Variants in ZBED3 observed in about 807,000 individuals in gnomAD.
The protein encoded by ZBED3 is zinc finger BED-type containing 3.
For missense variants in ZBED3, 388 were observed against 362.9 expected (o/e 1.07, Z -0.56); for synonymous variants, 175 against 180.0 (o/e 0.97, Z 0.22).
intron 1 of ZBED3, among the ~76,000 whole-genome samples, chr5:77,082,908 G>C (rs2150742470): frequency 6.6e-6 from 1 of 152,294 alleles, no homozygotes; most frequent in South Asian, 2.1e-4. Flanking sequence ...GGCCAAGGCA[G>C]GTAGATCACC....
intron 1 of ZBED3, among the ~76,000 whole-genome samples, chr5:77,085,681 A>G (rs2150743454): frequency 6.6e-6 from 1 of 152,374 alleles, no homozygotes; most frequent in East Asian, 1.9e-4. Context: ...TGACAACTGA[A>G]GTGTCAAGAA....
chr5:77,077,680 C>A lies in ZBED3; in HGVS notation c.199G>T (p.Ala67Ser). ...GRPGHPSGHW[A>S]TCRLCGEQVG... is the part of the protein sequence containing the mutation. ...TGCTCCCCGCACAGACGGCAGGTGG[C>A]CCAGTGGCCCGACGGATGCCCGGGG... Residue 67 changes from alanine (A) to serine (S), a missense_variant, in exon 3 of 3, where the codon GCC (alanine) becomes TCC (serine). Physicochemically the swap from Ala to Ser is moderately conservative, Grantham distance 99. Coordinates refer to ENST00000255198, the MANE Select transcript of ZBED3 (RefSeq NM_032367.4). The A allele has an allele frequency of 7.3e-7, 1 of 1,370,604 alleles. No homozygotes were observed. Among genetic ancestry groups the A allele is most frequent in the South Asian group, 1.7e-5 (1 of 59,682 alleles). 84.9% of individuals were successfully genotyped at this position (1,370,604 alleles called of 1,614,324 possible).
chr5:77,075,961 A>ATG lies in ZBED3; in HGVS notation c.*1212_*1213insCA, dbSNP rs1168469530. On this transcript the variant is annotated 3_prime_UTR_variant, in exon 3 of 3. Coordinates refer to ENST00000255198, the MANE Select transcript of ZBED3 (RefSeq NM_032367.4). ...TATATATACATATATATATATATATATATATGTATATGTATATATGTATAT... is the reference window on the plus strand; with the variant it reads ...TATATATACATATATATATATATATATGTATATGTATATGTATATATGTATAT... 1 of 29,832 alleles carries ATG rather than the reference A, an allele frequency of 3.4e-5. No individual in the cohort carries two copies. Among genetic ancestry groups the ATG allele is most frequent in the Non-Finnish European group, 7.1e-5 (1 of 13,990 alleles). The allele number at this position is 29,832 out of a possible 1,614,324, so 1.8% of individuals were successfully genotyped here.
At chr5:77,084,435 T>C (rs1743195321) in intron 1 of ZBED3, among the ~76,000 whole-genome samples, 1 of 152,222 alleles carries the variant, frequency 6.6e-6, no homozygotes, top group Non-Finnish European at 1.5e-5. Context: ...TTATAGCTCA[T>C]GCCGCAGCCA....
In ZBED3 at chr5:77,077,931, G is replaced by A. The variant is rs560960336; in HGVS notation, c.-17-36C>T. The A allele has an allele frequency of 2.2e-3, 2,673 of 1,223,628 alleles. 4 individuals carry two copies. Among genetic ancestry groups the A allele is most frequent in the Non-Finnish European group, 2.6e-3 (2,528 of 978,470 alleles). The allele number at this position is 1,223,628 out of a possible 1,614,324, so 75.8% of individuals were successfully genotyped here. A position where few individuals can be genotyped will look rare whatever the true frequency, so the allele number is the denominator to read the frequency against. On this transcript the variant is annotated intron_variant, in intron 2 of 2. Transcript: ENST00000255198. Reference sequence around the variant, plus strand: ...GGGGAAGAATAATAATGAGTGTTAGGATCACGCACACAGCTCCTAGACTAC... The same window carrying A: ...GGGGAAGAATAATAATGAGTGTTAGAATCACGCACACAGCTCCTAGACTAC...
chr5:77,077,533 G>A lies in ZBED3; in HGVS notation c.346C>T (p.Pro116Ser). ...AGSSPPAAPC[P>S]PPPGPAAAPE... ...GCCGCAGCGGGGCCGGGCGGCGGCG[G>A]GCAGGGCGCGGCAGGTGGGGAGCTC... The change falls in exon 3 of 3, where the codon CCG becomes TCG. Residue 116 changes from proline (P) to serine (S), a missense_variant. By Grantham distance (74) the Pro-to-Ser change is moderately conservative. Transcript: ENST00000255198. 1 of 1,214,662 alleles carries A rather than the reference G, an allele frequency of 8.2e-7. No individual in the cohort carries two copies. Among genetic ancestry groups the A allele is most frequent in the Non-Finnish European group, 1.0e-6 (1 of 979,992 alleles). The allele number at this position is 1,214,662 out of a possible 1,614,324, so 75.2% of individuals were successfully genotyped here.
chr5:77,076,115 AC>A lies in ZBED3; in HGVS notation c.*1058del, dbSNP rs1331620625. The A allele has an allele frequency of 1.3e-5, 2 of 148,958 alleles. No individual in the cohort carries two copies. Among genetic ancestry groups the A allele is most frequent in the African/African-American group, 2.5e-5 (1 of 40,340 alleles). 9.2% of individuals were successfully genotyped at this position (148,958 alleles called of 1,614,324 possible). A position where few individuals can be genotyped will look rare whatever the true frequency, so the allele number is the denominator to read the frequency against. On this transcript the variant is annotated 3_prime_UTR_variant, in exon 3 of 3. Transcript: ENST00000255198. ...ACTGACCCAGAGTGAGGGAGTAAAA[AC>A]TGGGGAGGAAGGATAGGCAGCCAGG...
Position 77,077,628 on chromosome 5 carries a change from G to T in ZBED3, c.251C>A (p.Ala84Glu). 1.4e-6 allele frequency: 2 copies of T among 1,411,564 alleles called. No individual in the cohort carries two copies. Among genetic ancestry groups the T allele is most frequent in the Non-Finnish European group, 1.8e-6 (2 of 1,082,310 alleles). 87.4% of individuals were successfully genotyped at this position (1,411,564 alleles called of 1,614,324 possible). Residue 84 changes from alanine to glutamate, a missense_variant, in exon 3 of 3, where the codon GCG becomes GAG. Transcript: ENST00000255198. ...GTGCCTCCACAACGCCGAGGTCCCC[G>T]CGTGGAAGCCCGGGCCGCGGCCCAC... ...EQVGRGPGFH[A>E]GTSALWRHLR...
At chr5:77,084,310 T>A (rs190267215) in intron 1 of ZBED3, among the ~76,000 whole-genome samples, 1 of 152,300 alleles carries the variant, frequency 6.6e-6, no homozygotes, top group African/African-American at 2.4e-5. Context: ...ATGGAACTGG[T>A]GAGAGATAAT....
rs1742928783 is a variant in ZBED3, at chr5:77,073,954, GAAGT to G, written c.*3216_*3219del. The G allele has an allele frequency of 6.6e-6, 1 of 152,268 alleles. No individual in the cohort carries two copies. The highest frequency in any genetic ancestry group is 2.4e-5 in the African/African-American group (1 of 41,454). The allele number at this position is 152,268 out of a possible 1,614,324, so 9.4% of individuals were successfully genotyped here. A position where few individuals can be genotyped will look rare whatever the true frequency, so the allele number is the denominator to read the frequency against. ...AGGCACAAAATGCTAGGAGACTAGA[GAAGT>G]AAGAAATGTCTTGACATGAGGAGAA... On this transcript the variant is annotated 3_prime_UTR_variant, in exon 3 of 3. Transcript: ENST00000255198.
At chr5:77,082,565 GAA>G (rs1743150466) in intron 1 of ZBED3, among the ~76,000 whole-genome samples, 1 of 152,286 alleles carries the variant, frequency 6.6e-6, no homozygotes, top group African/African-American at 2.4e-5. Flanking sequence ...TGTTCAGGGA[GAA>G]AAGAGAGATG....
At chr5:77,085,102 G>A (rs1743211417) in intron 1 of ZBED3, among the ~76,000 whole-genome samples, 2 of 152,164 alleles carry the variant, frequency 1.3e-5, no homozygotes, top group Admixed American at 1.3e-4. Context: ...TAAGCCTGTG[G>A]AAGACAATAA....
chr5:77,077,659 C>A lies in ZBED3; in HGVS notation c.220G>T (p.Glu74Ter). 7.1e-7 allele frequency: 1 copy of A among 1,406,730 alleles called. No homozygotes were observed. The highest frequency in any genetic ancestry group is 9.2e-7 in the Non-Finnish European group (1 of 1,081,788). 87.1% of individuals were successfully genotyped at this position (1,406,730 alleles called of 1,614,324 possible). Reference protein sequence around the residue: ...GHWATCRLCGEQVGRGPGFHA... With the variant: ...GHWATCRLCG ...AAGCCCGGGCCGCGGCCCACCTGCT[C>A]CCCGCACAGACGGCAGGTGGCCCAG... is the stretch of plus-strand genomic sequence containing the variant. The change falls in exon 3 of 3, where the codon GAG (glutamate) becomes TAG (stop). Residue 74 changes from glutamate (E) to a stop codon, truncating the protein, a stop_gained. Coordinates refer to ENST00000255198, the MANE Select transcript of ZBED3 (RefSeq NM_032367.4). LOFTEE classifies it low-confidence loss of function (END_TRUNC).
At position 77,077,873 on chromosome 5, in the gene ZBED3, C is replaced by G; in HGVS notation, c.6G>C (p.Arg2Ser). The part of the protein sequence containing the change: M[R>S]SGEPACTMDQ... ...CCATGGTGCAGGCCGGCTCGCCACT[C>G]CTCATTCTGCGGCGCCCGCACGCTG... The change falls in exon 3 of 3, where the codon AGG becomes AGC. Residue 2 changes from arginine (R) to serine (S), a missense_variant. Physicochemically the swap from Arg to Ser is moderately radical, Grantham distance 110. Coordinates refer to ENST00000255198, the MANE Select transcript of ZBED3 (RefSeq NM_032367.4). The G allele has an allele frequency of 8.0e-7, 1 of 1,257,202 alleles. No homozygotes were observed. The highest frequency in any genetic ancestry group is 1.0e-6 in the Non-Finnish European group (1 of 1,003,682). 77.9% of individuals were successfully genotyped at this position (1,257,202 alleles called of 1,614,324 possible). A position where few individuals can be genotyped will look rare whatever the true frequency, so the allele number is the denominator to read the frequency against.
intron 1 of ZBED3, chr5:77,080,691 A>G (rs1283082438): frequency 2.1e-6 from 1 of 477,576 alleles, no homozygotes; most frequent in Non-Finnish European, 4.2e-6. Context: ...TCACAAGGAC[A>G]GAAAACCAAA....
intron 1 of ZBED3, among the ~76,000 whole-genome samples, chr5:77,085,734 T>C (rs2150743469): frequency 6.6e-6 from 1 of 152,370 alleles, no homozygotes; most frequent in Admixed American, 6.5e-5. Flanking sequence ...GTTGAAATAT[T>C]AGTTTACTGC....
chr5:77,076,033 GTATATATGTA>G lies in ZBED3; in HGVS notation c.*1131_*1140del, dbSNP rs1561296582. On this transcript the variant is annotated 3_prime_UTR_variant, in exon 3 of 3. Coordinates refer to ENST00000255198, the MANE Select transcript of ZBED3 (RefSeq NM_032367.4). Reference sequence around the variant, plus strand: ...TATATGTATATATGTATATATATATGTATATATGTATATATATATATAATATATACACACA... The same window carrying G: ...TATATGTATATATGTATATATATATGTATATATATATAATATATACACACA... The G allele has an allele frequency of 4.7e-4, 29 of 61,508 alleles. 2 individuals are homozygous for G. Among genetic ancestry groups the G allele is most frequent in the African/African-American group, 1.6e-3 (28 of 17,966 alleles). 3.8% of individuals were successfully genotyped at this position (61,508 alleles called of 1,614,324 possible).
Position 77,077,118 on chromosome 5 carries a change from A to AGGCATT in ZBED3, c.*50_*55dup. On this transcript the variant is annotated 3_prime_UTR_variant, in exon 3 of 3. Transcript: ENST00000255198. The stretch of plus-strand genomic sequence containing the variant: ...CGGCTTCGGTCCCAGCGGGGTCTGA[A>AGGCATT]GGCATTGGCATTGGACGGAGAAGCG... 13 of 1,265,982 alleles carry AGGCATT rather than the reference A, an allele frequency of 1.0e-5. No homozygotes were observed. The highest frequency in any genetic ancestry group is 2.0e-4 in the Middle Eastern group (1 of 4,972). The allele number at this position is 1,265,982 out of a possible 1,614,324, so 78.4% of individuals were successfully genotyped here. A position where few individuals can be genotyped will look rare whatever the true frequency, so the allele number is the denominator to read the frequency against.
chr5:77,077,939 A>C (rs1442649246), intron 2 of ZBED3, 44 bp from the exon 3 acceptor site: 5 of 1,206,616 alleles, frequency 4.1e-6, no homozygotes, highest in Non-Finnish European at 5.2e-6. Context: ...AGGATCACGC[A>C]CACAGCTCCT....
Sources: gnomAD v4.1 joint callset for allele counts (sites outside exome capture counted in the v4.1 genomes callset) on GRCh38, gnomAD v4.1.1 for gene constraint, MANE v1.5 for transcripts, NCBI Gene and HGNC (gene_info 2026-07-23, HGNC 2026-07-21) for gene names.